ZNF679: variants seen among roughly 807,000 people sequenced by gnomAD.
ZNF679 encodes the protein zinc finger protein 679.
Under a neutral mutation model 13.4 loss-of-function variants are expected in ZNF679, and 10 were observed. The ratio of observed to expected loss-of-function variants is 0.75; its 90% CI spans 0.46 to 1.27. The LOEUF is 1.27. ZNF679 is among the 50% of genes most tolerant of loss of function. ZNF679 has a pLI of 0.00. For synonymous variants in ZNF679, 179 were observed against 162.5 expected (o/e 1.10, Z -0.77); for missense variants, 525 against 477.8 (o/e 1.10, Z -0.92).
At chr7:64,240,633 A>G (rs11978020) in intron 1 of ZNF679, among the ~76,000 whole-genome samples, 45,775 of 152,086 alleles carry the variant, frequency 0.3, 7,707 homozygotes, top group East Asian at 0.48. Flanking sequence ...AATCTCACAC[A>G]TAAATGCAAT....
chr7:64,236,085 T>G (rs371653130), intron 1 of ZNF679, among the ~76,000 whole-genome samples: 1 of 151,840 alleles, frequency 6.6e-6, no homozygotes, highest in African/African-American at 2.4e-5. Flanking sequence ...ACCAACATGG[T>G]GAAACCCTGT....
intron 1 of ZNF679, among the ~76,000 whole-genome samples, chr7:64,244,971 CAA>C (rs1787847168): frequency 6.6e-6 from 1 of 152,180 alleles, no homozygotes; most frequent in Non-Finnish European, 1.5e-5. Context: ...GAACATAAAA[CAA>C]GAGGGAAACT....
At chr7:64,234,663 C>T (rs778556454) in intron 1 of ZNF679, among the ~76,000 whole-genome samples, 16 of 152,148 alleles carry the variant, frequency 1.1e-4, no homozygotes, top group Non-Finnish European at 1.6e-4. Flanking sequence ...TAGAGCCCAA[C>T]GGAGTCTTCT....
At chr7:64,235,705 C>G (rs1310964269) in intron 1 of ZNF679, among the ~76,000 whole-genome samples, 1 of 151,906 alleles carries the variant, frequency 6.6e-6, no homozygotes, top group Admixed American at 6.6e-5. Context: ...AGAAGCATCG[C>G]TGGAACCCAA....
chr7:64,235,055 C>T (rs559630487), intron 1 of ZNF679, among the ~76,000 whole-genome samples: 18 of 152,262 alleles, frequency 1.2e-4, no homozygotes, highest in Non-Finnish European at 1.8e-4. Flanking sequence ...CCAGGCTGGT[C>T]TTAAACTCCT....
chr7:64,266,211 T>C lies in ZNF679; in HGVS notation c.578T>C (p.Phe193Ser), dbSNP rs1234803323. Reference protein sequence around the residue: ...HFKCKKYGKSFCMVSQLHQHQ... With the variant: ...HFKCKKYGKSSCMVSQLHQHQ... ...AAATGTAAAAAATATGGCAAATCAT[T>C]TTGCATGGTTTCACAACTACATCAA... The change falls in exon 5 of 5, where the codon TTT (phenylalanine) becomes TCT (serine). Residue 193 changes from phenylalanine (F) to serine (S), a missense_variant. Phe to Ser is a radical substitution (Grantham distance 155). Coordinates refer to ENST00000421025, the MANE Select transcript of ZNF679 (RefSeq NM_153363.3). The C allele has an allele frequency of 6.3e-7, 1 of 1,580,536 alleles. No homozygotes were observed. Among genetic ancestry groups the C allele is most frequent in the Non-Finnish European group, 8.6e-7 (1 of 1,161,736 alleles).
At chr7:64,254,190 T>C (rs745785904) in intron 2 of ZNF679, among the ~76,000 whole-genome samples, 6 of 152,024 alleles carry the variant, frequency 3.9e-5, no homozygotes, top group Non-Finnish European at 5.9e-5. Flanking sequence ...AGTGGCGCGA[T>C]CTCAGCTCAC....
rs769990124 is a variant in ZNF679 at position 64,260,224 on chromosome 7, CT to C, written c.44del (p.Leu15ArgfsTer2). The C allele has an allele frequency of 3.1e-6, 5 of 1,601,606 alleles. 1 individual carries two copies. In the Admixed American group the frequency reaches 8.9e-5, roughly 29 times the overall value. ...PGSPGSREMG[L>X]LTFRDVVIEF... ...TGTTGTTGTTATTGTTTTTCAGGGACTGTTGACATTCAGAGATGTAGTCATA... is the reference window on the plus strand; with the variant it reads ...TGTTGTTGTTATTGTTTTTCAGGGACGTTGACATTCAGAGATGTAGTCATA... On this transcript the variant is annotated frameshift_variant, in exon 3 of 5. Coordinates refer to ENST00000421025, the MANE Select transcript of ZNF679 (RefSeq NM_153363.3). LOFTEE classifies it high-confidence loss of function.
chr7:64,245,600 A>G (rs1396420554), intron 1 of ZNF679, among the ~76,000 whole-genome samples: 1 of 152,158 alleles, frequency 6.6e-6, no homozygotes. Context: ...TGGCAGTCCC[A>G]TCTGCTCTCA....
At chr7:64,261,770 T>C (rs1788080010) in intron 4 of ZNF679, among the ~76,000 whole-genome samples, 2 of 152,136 alleles carry the variant, frequency 1.3e-5, no homozygotes, top group Admixed American at 1.3e-4. Flanking sequence ...TATAAATTAT[T>C]AATTTTGTGC....
chr7:64,259,847 G>T (rs1277824016), intron 2 of ZNF679, among the ~76,000 whole-genome samples: 1 of 151,822 alleles, frequency 6.6e-6, no homozygotes, highest in Non-Finnish European at 1.5e-5. Context: ...AGAATCGCTT[G>T]AACCCAGGAG....
At chr7:64,255,720 C>T (rs1469665644) in intron 2 of ZNF679, among the ~76,000 whole-genome samples, 3 of 151,984 alleles carry the variant, frequency 2.0e-5, no homozygotes, top group East Asian at 3.9e-4. Context: ...GAGACTCTCC[C>T]GCCTCAGCCT....
chr7:64,247,082 T>C (rs904746346), intron 1 of ZNF679, among the ~76,000 whole-genome samples: 2 of 152,212 alleles, frequency 1.3e-5, no homozygotes, highest in African/African-American at 4.8e-5. Context: ...GGTGGGAATG[T>C]CTTTCGCATG....
At chr7:64,254,999 C>CA (rs71060569) in intron 2 of ZNF679, among the ~76,000 whole-genome samples, 5,712 of 91,978 alleles carry the variant, frequency 0.062, 340 homozygotes, top group East Asian at 0.2. Flanking sequence ...GACTCCATCT[C>CA]AAAAAAAAAA....
rs190173868 is a variant in ZNF679 at position 64,235,220 on chromosome 7, A to T, written c.-91+6568A>T. Reference sequence around the variant, plus strand: ...TTTAAAAACTCACAAATATGTGGATAGTAAACAACATGTTCCTGAACAACC... The same window carrying T: ...TTTAAAAACTCACAAATATGTGGATTGTAAACAACATGTTCCTGAACAACC... On this transcript the variant is annotated intron_variant, in intron 1 of 4. Coordinates refer to ENST00000421025, the MANE Select transcript of ZNF679 (RefSeq NM_153363.3). 1.7e-3 allele frequency among the ~76,000 whole-genome samples: 265 copies of T among 152,260 alleles called. 4 individuals carry two copies. Among genetic ancestry groups the T allele is most frequent in the Admixed American group, 0.015 (222 of 15,296 alleles).
At chr7:64,238,954 G>A (rs1360782721) in intron 1 of ZNF679, among the ~76,000 whole-genome samples, 2 of 152,070 alleles carry the variant, frequency 1.3e-5, no homozygotes, top group African/African-American at 4.8e-5. Flanking sequence ...AGGGCAAGGG[G>A]TAAGGTCCTG....
At chr7:64,229,073 G>A (rs779713278) in intron 1 of ZNF679, among the ~76,000 whole-genome samples, 43 of 152,198 alleles carry the variant, frequency 2.8e-4, no homozygotes, top group African/African-American at 4.8e-4. Flanking sequence ...GATCTTACCC[G>A]TTACCCTAAG....
rs137898978 is a variant in ZNF679, at chr7:64,238,512, C to T, written c.-91+9860C>T. On this transcript the variant is annotated intron_variant, in intron 1 of 4. Coordinates refer to ENST00000421025, the MANE Select transcript of ZNF679 (RefSeq NM_153363.3). ...AAGCGATTCTCCTGCCTTCGCCTCC[C>T]GAGTAGCTGGGATTACAGGTACCCA... Among the ~76,000 whole-genome samples the T allele has an allele frequency of 6.3e-4, 96 of 152,196 alleles. 1 individual carries two copies. Among genetic ancestry groups the T allele is most frequent in the African/African-American group, 2.0e-3 (85 of 41,524 alleles).
At chr7:64,250,137 T>C (rs1353780600) in intron 2 of ZNF679, among the ~76,000 whole-genome samples, 3 of 151,870 alleles carry the variant, frequency 2.0e-5, no homozygotes, top group Non-Finnish European at 4.4e-5. Context: ...CCACCGCCCC[T>C]GGCCATAAGA....
Sources: allele counts gnomAD v4.1 joint callset (sites outside exome capture counted in the v4.1 genomes callset), GRCh38; gene constraint gnomAD v4.1.1; transcripts MANE v1.5; gene names NCBI Gene and HGNC (gene_info 2026-07-23, HGNC 2026-07-21).